Variants in PDE7B observed in about 807,000 individuals in gnomAD.
PDE7B encodes the protein phosphodiesterase 7B, also known as 3',5'-cyclic-AMP phosphodiesterase 7B.
Under a neutral mutation model 56.2 loss-of-function variants are expected in PDE7B, and 29 were observed. The ratio of observed to expected loss-of-function variants is 0.52; its 90% CI spans 0.38 to 0.70. The LOEUF is 0.70. PDE7B is among the 30% of genes least tolerant of loss of function. PDE7B has a pLI of 0.00. For missense variants in PDE7B, 490 were observed against 565.0 expected (o/e 0.87, Z 1.35); for synonymous variants, 197 against 196.9 (o/e 1.00, Z 0.00).
At chr6:136,124,478 T>C (rs182162572) in intron 3 of PDE7B, among the ~76,000 whole-genome samples, 38 of 152,338 alleles carry the variant, frequency 2.5e-4, no homozygotes, top group African/African-American at 8.2e-4. Context: ...CACTTTGCTA[T>C]ATAAAACAAT....
intron 8 of PDE7B, among the ~76,000 whole-genome samples, chr6:136,164,571 A>C (rs1778763778): frequency 6.6e-6 from 1 of 152,206 alleles, no homozygotes; most frequent in Admixed American, 6.5e-5. Context: ...AATTTGCAAT[A>C]AACATGTGTT....
intron 2 of PDE7B, among the ~76,000 whole-genome samples, chr6:136,101,262 G>A (rs1280232995): frequency 6.6e-6 from 1 of 152,178 alleles, no homozygotes. Flanking sequence ...TTGCTATCAG[G>A]ATGATGCTGG....
At chr6:136,106,648 T>C (rs1319540879) in intron 2 of PDE7B, among the ~76,000 whole-genome samples, 2 of 152,200 alleles carry the variant, frequency 1.3e-5, no homozygotes, top group Non-Finnish European at 2.9e-5. Flanking sequence ...TTCTTACTTA[T>C]AAAGTAAAGA....
At chr6:136,138,437 TTTTC>T (rs1426159873) in intron 3 of PDE7B, among the ~76,000 whole-genome samples, 3 of 152,148 alleles carry the variant, frequency 2.0e-5, no homozygotes, top group Non-Finnish European at 2.9e-5. Context: ...ATATCTTCGT[TTTTC>T]TTTATCTCAC....
chr6:136,107,266 C>T (rs143865065), intron 2 of PDE7B, among the ~76,000 whole-genome samples: 267 of 152,278 alleles, frequency 1.8e-3, no homozygotes, highest in Middle Eastern at 6.8e-3. Context: ...GGCCCCAGTG[C>T]CACCTTACTT....
rs745841159 is a variant in PDE7B, at chr6:136,173,902, A to C, written c.803+14A>C. The C allele has an allele frequency of 6.4e-7, 1 of 1,572,908 alleles. No individual in the cohort carries two copies. Among genetic ancestry groups the C allele is most frequent in the South Asian group, 1.1e-5 (1 of 90,234 alleles). On this transcript the variant is annotated intron_variant, in intron 9 of 12. Coordinates refer to ENST00000308191, the MANE Select transcript of PDE7B (RefSeq NM_018945.4). The stretch of plus-strand genomic sequence containing the variant: ...AAAGGAAATGACGTAAGTGCTGCCG[A>C]GATGAAACATACTGATGTGCATGCA...
chr6:135,911,855 A>T (rs930932018), intron 1 of PDE7B, among the ~76,000 whole-genome samples: 5 of 152,250 alleles, frequency 3.3e-5, no homozygotes, highest in African/African-American at 1.2e-4. Context: ...AATATTTTTG[A>T]CTACTAGAAA....
chr6:135,866,690 C>T (rs990422075), intron 1 of PDE7B, among the ~76,000 whole-genome samples: 1 of 152,116 alleles, frequency 6.6e-6, no homozygotes, highest in Non-Finnish European at 1.5e-5. Context: ...AAAATTAGCT[C>T]ATAGCAACTT....
At chr6:135,897,362 G>A (rs1234594034) in intron 1 of PDE7B, among the ~76,000 whole-genome samples, 1 of 151,992 alleles carries the variant, frequency 6.6e-6, no homozygotes, top group African/African-American at 2.4e-5. Context: ...ATTTTTTTGA[G>A]AGTAGGGTCA....
Position 136,191,823 on chromosome 6 carries a change from G to C in PDE7B, c.1336G>C (p.Glu446Gln), listed in dbSNP as rs996006213. 1.3e-6 allele frequency: 2 copies of C among 1,551,534 alleles called. No individual in the cohort carries two copies. Among genetic ancestry groups the C allele is most frequent in the Non-Finnish European group, 1.7e-6 (2 of 1,147,998 alleles). ...CCAAGGGACTGAGAGCGAGGAGCAG[G>C]AAGGCGACAGCCCCTAGGGGCCGGC... The part of the protein sequence containing the change: ...AGQGTESEEQ[E>Q]GDSP The change falls in exon 13 of 13, where the codon GAA becomes CAA. Residue 446 changes from glutamate to glutamine, a missense_variant. Transcript: ENST00000308191.
intron 2 of PDE7B, among the ~76,000 whole-genome samples, chr6:136,082,490 A>G (rs1441325393): frequency 6.6e-6 from 1 of 152,210 alleles, no homozygotes; most frequent in Non-Finnish European, 1.5e-5. Context: ...CAGACATGGG[A>G]AAGGCTGTGA....
At chr6:135,939,479 A>G (rs984483319) in intron 1 of PDE7B, among the ~76,000 whole-genome samples, 1 of 152,138 alleles carries the variant, frequency 6.6e-6, no homozygotes, top group Admixed American at 6.5e-5. Context: ...TTTCACTGGA[A>G]AAGCTTAAAA....
At chr6:136,049,303 C>G (rs944999283) in intron 2 of PDE7B, 1 of 152,422 alleles carries the variant, frequency 6.6e-6, no homozygotes, top group Non-Finnish European at 1.5e-5. Flanking sequence ...GGTCTTGCTA[C>G]GTTGCCCAGG....
chr6:136,106,347 C>T (rs1271817214), intron 2 of PDE7B, among the ~76,000 whole-genome samples: 1 of 152,004 alleles, frequency 6.6e-6, no homozygotes, highest in Non-Finnish European at 1.5e-5. Flanking sequence ...CTAAGATTTT[C>T]ATTTCTTTTT....
At position 136,183,528 on chromosome 6, in the gene PDE7B, A is replaced by G. The variant is rs371356519; in HGVS notation, c.1045+2205A>G. 5.4e-4 allele frequency among the ~76,000 whole-genome samples: 81 copies of G among 149,570 alleles called. No homozygotes were observed. In the Middle Eastern group the frequency reaches 0.014, roughly 25 times the overall value. On this transcript the variant is annotated intron_variant, in intron 11 of 12. Transcript: ENST00000308191. The stretch of plus-strand genomic sequence containing the variant: ...GGAGAATGGCATGAACCCGGGAGGC[A>G]GAGCTTGCAGTGAGCCAAGGTCACG...
chr6:135,952,267 T>A (rs1774715190), intron 2 of PDE7B, among the ~76,000 whole-genome samples: 1 of 152,122 alleles, frequency 6.6e-6, no homozygotes, highest in African/African-American at 2.4e-5. Flanking sequence ...CTAATAAAAA[T>A]TATTACTGAT....
intron 3 of PDE7B, among the ~76,000 whole-genome samples, chr6:136,117,536 G>A (rs1015725171): frequency 8.5e-5 from 13 of 152,184 alleles, no homozygotes; most frequent in Middle Eastern, 3.2e-3. Context: ...TTTCTAACTA[G>A]CAGACCAAAT....
At chr6:136,036,721 A>G (rs1583840691) in intron 2 of PDE7B, among the ~76,000 whole-genome samples, 1 of 152,242 alleles carries the variant, frequency 6.6e-6, no homozygotes, top group African/African-American at 2.4e-5. Context: ...AAAGGAATGT[A>G]GAGCAGAAGC....
chr6:135,888,818 T>C (rs1335463186), intron 1 of PDE7B, among the ~76,000 whole-genome samples: 3 of 152,116 alleles, frequency 2.0e-5, no homozygotes, highest in Non-Finnish European at 2.9e-5. Flanking sequence ...TCTAATTATA[T>C]AATTCTGGTG....
Sources: gnomAD v4.1 joint callset for allele counts (sites outside exome capture counted in the v4.1 genomes callset) on GRCh38, gnomAD v4.1.1 for gene constraint, MANE v1.5 for transcripts, NCBI Gene and HGNC (gene_info 2026-07-23, HGNC 2026-07-21) for gene names.